The following PTPRN2 variants were observed in gnomAD, a reference collection of about 807,000 sequenced individuals.
PTPRN2 encodes receptor-type tyrosine-protein phosphatase N2.
In PTPRN2, 74 loss-of-function variants were observed where a neutral mutation model predicts 118.8. The ratio of observed to expected loss-of-function variants is 0.62; its 90% CI spans 0.52 to 0.76. The LOEUF (loss-of-function observed/expected upper bound fraction) is 0.76. Ranked by LOEUF, PTPRN2 falls within the 30% of genes least tolerant of loss-of-function variation. The pLI is 0.00. For synonymous variants in PTPRN2, 641 were observed against 608.0 expected, an observed-to-expected ratio of 1.05 and a Z score of -0.80; for missense variants, 1,481 against 1,394.4, an observed-to-expected ratio of 1.06 and a Z score of -0.99.
At chr7:157,642,285 G>A (rs909667313) in intron 14 of PTPRN2, among the ~76,000 whole-genome samples, 3 of 152,240 alleles carry the variant, frequency 2.0e-5, no homozygotes, top group African/African-American at 4.8e-5. Context: ...CTGAGGACAT[G>A]AAGGTAAGCA....
At chr7:158,171,716 T>A (rs1823721031) in intron 5 of PTPRN2, among the ~76,000 whole-genome samples, 1 of 152,152 alleles carries the variant, frequency 6.6e-6, no homozygotes, top group African/African-American at 2.4e-5. Flanking sequence ...ACTATCCAAT[T>A]AGACTTTTTC....
Position 158,198,483 on chromosome 7 carries a change from G to GA in PTPRN2, c.381-5989dup, listed in dbSNP as rs1484631857. Reference sequence around the variant, plus strand: ...TAGATTGTCACCCAGTTTGTTAAAGGAAAAAATTCCACATTACAGGCCCAT... The same window carrying GA: ...TAGATTGTCACCCAGTTTGTTAAAGGAAAAAAATTCCACATTACAGGCCCAT... On this transcript the variant is annotated intron_variant, in intron 4 of 22. Coordinates refer to ENST00000389418, the MANE Select transcript of PTPRN2 (RefSeq NM_002847.5). Among the ~76,000 whole-genome samples the GA allele has an allele frequency of 5.9e-5, 9 of 152,188 alleles. No individual in the cohort carries two copies. The South Asian group carries it at 1.9e-3, about 31-fold the overall frequency.
intron 5 of PTPRN2, among the ~76,000 whole-genome samples, chr7:158,170,387 G>T (rs1029232138): frequency 6.6e-6 from 1 of 152,174 alleles, no homozygotes; most frequent in African/African-American, 2.4e-5. Context: ...GAGCTTCCAC[G>T]CAAAGGGCCT....
At chr7:157,595,437 T>G (rs1468710994) in intron 16 of PTPRN2, 122 bp from the exon 17 acceptor site, 1 of 861,664 alleles carries the variant, frequency 1.2e-6, no homozygotes, top group African/African-American at 1.7e-5. Context: ...GCCAGGACGT[T>G]AAGAAACCCG....
intron 12 of PTPRN2, among the ~76,000 whole-genome samples, chr7:157,700,537 T>C (rs1798012081): frequency 6.6e-6 from 1 of 152,200 alleles, no homozygotes; most frequent in Admixed American, 6.5e-5. Flanking sequence ...GGGTCATCCC[T>C]TATCTGACCT....
intron 12 of PTPRN2, among the ~76,000 whole-genome samples, chr7:157,691,867 C>T (rs1301711046): frequency 2.0e-5 from 3 of 152,188 alleles, no homozygotes; most frequent in Admixed American, 6.5e-5. Context: ...ACCTCCCCCC[C>T]GCGCCTCCCG....
intron 5 of PTPRN2, among the ~76,000 whole-genome samples, chr7:158,180,440 A>G (rs1178148165): frequency 1.3e-5 from 2 of 152,082 alleles, no homozygotes; most frequent in African/African-American, 4.8e-5. Context: ...TTTGTTTAGG[A>G]TTGCTTTTGC....
At chr7:158,437,470 A>C (rs577642167) in intron 2 of PTPRN2, among the ~76,000 whole-genome samples, 5 of 152,336 alleles carry the variant, frequency 3.3e-5, no homozygotes, top group African/African-American at 1.2e-4. Context: ...CAGACATTAC[A>C]TATGAAACTG....
intron 1 of PTPRN2, among the ~76,000 whole-genome samples, chr7:158,537,989 C>T (rs1825747728): frequency 6.6e-6 from 1 of 152,224 alleles, no homozygotes; most frequent in African/African-American, 2.4e-5. Context: ...CACTTTAGAG[C>T]TGGTGAGAGA....
intron 2 of PTPRN2, among the ~76,000 whole-genome samples, chr7:158,462,786 C>T (rs990853205): frequency 6.6e-6 from 1 of 152,192 alleles, no homozygotes; most frequent in Non-Finnish European, 1.5e-5. Context: ...AAGCTGCCTA[C>T]GATTGTGTGG....
intron 6 of PTPRN2, among the ~76,000 whole-genome samples, chr7:158,149,578 G>C (rs868278309): frequency 6.6e-6 from 1 of 152,122 alleles, no homozygotes; most frequent in South Asian, 2.1e-4. Flanking sequence ...CGAGGTGGGT[G>C]GATCACCTGA....
intron 2 of PTPRN2, among the ~76,000 whole-genome samples, chr7:158,321,769 A>G (rs1036755684): frequency 1.5e-5 from 2 of 137,712 alleles, no homozygotes; most frequent in Admixed American, 7.5e-5. Context: ...TACTGTCACC[A>G]TCAAAACACT....
intron 11 of PTPRN2, among the ~76,000 whole-genome samples, chr7:158,076,511 C>A (rs1269702755): frequency 6.6e-6 from 1 of 152,258 alleles, no homozygotes; most frequent in Admixed American, 6.5e-5. Flanking sequence ...TCCACCTCAG[C>A]GGAGCTGATT....
At chr7:158,401,428 G>A (rs1812939579) in intron 2 of PTPRN2, among the ~76,000 whole-genome samples, 2 of 152,322 alleles carry the variant, frequency 1.3e-5, no homozygotes, top group Admixed American at 6.5e-5. Context: ...GAGAGACCTG[G>A]CCCAGCACAG....
At chr7:157,597,180 G>A (rs1047700085) in intron 16 of PTPRN2, among the ~76,000 whole-genome samples, 1 of 152,226 alleles carries the variant, frequency 6.6e-6, no homozygotes, top group African/African-American at 2.4e-5. Flanking sequence ...ACGCTAGCCG[G>A]GGGCTGGGGG....
chr7:157,961,815 C>T (rs1801558267), intron 11 of PTPRN2, among the ~76,000 whole-genome samples: 2 of 152,202 alleles, frequency 1.3e-5, no homozygotes, highest in Non-Finnish European at 2.9e-5. Flanking sequence ...TATGGGAGCC[C>T]GAACATGAGC....
chr7:158,057,815 G>A (rs1341212121), intron 11 of PTPRN2, among the ~76,000 whole-genome samples: 6 of 152,166 alleles, frequency 3.9e-5, no homozygotes, highest in South Asian at 4.2e-4. Context: ...GGTCCACAAC[G>A]GCAGCCAGAC....
intron 2 of PTPRN2, among the ~76,000 whole-genome samples, chr7:158,385,889 A>G (rs887636519): frequency 6.6e-6 from 1 of 150,636 alleles, no homozygotes; most frequent in African/African-American, 2.4e-5. Flanking sequence ...CCATGCCCCG[A>G]GTCCCTCCTT....
intron 12 of PTPRN2, among the ~76,000 whole-genome samples, chr7:157,870,254 AT>A (rs1810970194): frequency 6.6e-6 from 1 of 152,092 alleles, no homozygotes; most frequent in African/African-American, 2.4e-5. Flanking sequence ...TCTGCTGTTA[AT>A]TGTTGGTTCT....
Sources: gnomAD v4.1 joint callset for allele counts (sites outside exome capture counted in the v4.1 genomes callset) on GRCh38, gnomAD v4.1.1 for gene constraint, MANE v1.5 for transcripts, NCBI Gene and HGNC (gene_info 2026-07-23, HGNC 2026-07-21) for gene names.